CENPP: variants seen among roughly 807,000 people sequenced by gnomAD.
The protein encoded by CENPP is centromere protein P.
CENPP carries 24 observed loss-of-function variants against 35.6 expected under a neutral mutation model. That is an observed-to-expected ratio of 0.67 (90% CI 0.49 to 0.95). The LOEUF (loss-of-function observed/expected upper bound fraction) is 0.95, where lower values mean the gene tolerates loss of function less well. Among genes scored for constraint, CENPP ranks in the 40% least tolerant of loss-of-function variants. The pLI, the probability that CENPP is intolerant of heterozygous loss-of-function variation, is 0.00. For missense variants in CENPP, 332 were observed against 345.3 expected (o/e 0.96, Z 0.31); for synonymous variants, 120 against 125.5 (o/e 0.96, Z 0.29).
At chr9:92,412,109 A>G (rs1843461554) in intron 5 of CENPP, among the ~76,000 whole-genome samples, 1 of 151,996 alleles carries the variant, frequency 6.6e-6, no homozygotes, top group African/African-American at 2.4e-5. Context: ...ATTTTTAGAG[A>G]CGGGGTCTCA....
In CENPP at chr9:92,457,781, C is replaced by G. The variant is rs574947226; in HGVS notation, c.564+77922C>G. Among the ~76,000 whole-genome samples, 3 of 152,224 alleles carry G rather than the reference C, an allele frequency of 2.0e-5. No homozygotes were observed. The South Asian group carries it at 6.2e-4, about 32-fold the overall frequency. On this transcript the variant is annotated intron_variant, in intron 5 of 7. Coordinates refer to ENST00000375587, the MANE Select transcript of CENPP (RefSeq NM_001012267.3). ...CTCTCTCCAGATAGATAGATAGATA[C>G]ATACATACGTACATACATACATATA... is the stretch of plus-strand genomic sequence containing the variant.
intron 5 of CENPP, among the ~76,000 whole-genome samples, chr9:92,433,361 G>C (rs1844166465): frequency 6.6e-6 from 1 of 152,108 alleles, no homozygotes; most frequent in Non-Finnish European, 1.5e-5. Flanking sequence ...AACAAGGAAG[G>C]AGGAGTAAAT....
intron 5 of CENPP, chr9:92,414,217 A>C (rs1359092047): frequency 5.6e-6 from 1 of 179,234 alleles, no homozygotes; most frequent in African/African-American, 2.4e-5. Context: ...ATTTTAGCTT[A>C]TGTAGATATT....
intron 5 of CENPP, among the ~76,000 whole-genome samples, chr9:92,520,380 ATTAGTTG>A (rs1847991071): frequency 6.6e-6 from 1 of 152,192 alleles, no homozygotes; most frequent in African/African-American, 2.4e-5. Flanking sequence ...GCTTAACATC[ATTAGTTG>A]TTAGGGAAAT....
rs1260929532 is a variant in CENPP at position 92,570,396 on chromosome 9, G to A, written c.565-40918G>A. ...GGATTACATTTATTGATTTGCATAT[G>A]TTGAACCAGCCTTGCATCCCAGGGA... On this transcript the variant is annotated intron_variant, in intron 5 of 7. Coordinates refer to ENST00000375587, the MANE Select transcript of CENPP (RefSeq NM_001012267.3). 2.6e-5 allele frequency among the ~76,000 whole-genome samples: 4 copies of A among 152,260 alleles called. No homozygotes were observed. In the East Asian group the frequency reaches 5.8e-4, roughly 22 times the overall value.
At chr9:92,351,327 A>G (rs1841435305) in intron 4 of CENPP, among the ~76,000 whole-genome samples, 1 of 152,042 alleles carries the variant, frequency 6.6e-6, no homozygotes, top group African/African-American at 2.4e-5. Flanking sequence ...TAAAAATACA[A>G]AAACTAGCTG....
At chr9:92,416,065 T>G (rs1564309086) in intron 5 of CENPP, among the ~76,000 whole-genome samples, 1 of 97,974 alleles carries the variant, frequency 1.0e-5, no homozygotes, top group Non-Finnish European at 2.3e-5. Flanking sequence ...TGTGTATATA[T>G]ATATATTTAT....
At chr9:92,516,314 C>T (rs1847718298) in intron 5 of CENPP, among the ~76,000 whole-genome samples, 2 of 152,184 alleles carry the variant, frequency 1.3e-5, no homozygotes, top group African/African-American at 4.8e-5. Context: ...CCTCCCGCCT[C>T]AGCCTCCCAA....
intron 5 of CENPP, chr9:92,460,407 C>T (rs1845062454): frequency 1.0e-6 from 1 of 965,580 alleles, no homozygotes; most frequent in Non-Finnish European, 1.6e-6. Flanking sequence ...ACAGTGATCT[C>T]TACCAGGGTC....
intron 5 of CENPP, among the ~76,000 whole-genome samples, chr9:92,541,578 T>G (rs1223562863): frequency 6.6e-6 from 1 of 151,780 alleles, no homozygotes. Flanking sequence ...GATCATGCAG[T>G]ATCTGTCTTT....
rs1263369884 is a variant in CENPP at position 92,611,366 on chromosome 9, T to C, written c.617T>C (p.Met206Thr). 3.7e-6 allele frequency: 6 copies of C among 1,613,264 alleles called. No homozygotes were observed. In the African/African-American group the frequency reaches 4.0e-5, roughly 11 times the overall value. The change falls in exon 6 of 8, where the codon ATG (methionine) becomes ACG (threonine). Residue 206 changes from methionine to threonine, a missense_variant. Physicochemically the swap from Met to Thr is moderately conservative, Grantham distance 81 (BLOSUM62 -1). Transcript: ENST00000375587. ...YLSEGPSSCS[M>T]GIRSASRPGF... is the part of the protein sequence containing the mutation. ...TCGGAGGGGCCCTCCTCCTGCTCCATGGGGATCCGCAGCGCCAGCCGGCCA... is the reference window on the plus strand; with the variant it reads ...TCGGAGGGGCCCTCCTCCTGCTCCACGGGGATCCGCAGCGCCAGCCGGCCA...
chr9:92,415,265 C>T (rs369559603), intron 5 of CENPP: 9 of 1,613,640 alleles, frequency 5.6e-6, no homozygotes, highest in Non-Finnish European at 7.6e-6. Flanking sequence ...TCATCATCAT[C>T]TGGAAATCTC....
intron 5 of CENPP, chr9:92,600,263 G>A: frequency 7.1e-7 from 1 of 1,400,880 alleles, no homozygotes; most frequent in South Asian, 1.7e-5. Context: ...GTCATTTGCT[G>A]TCTCCTGCCC....
At chr9:92,554,706 C>T (rs1207513771) in intron 5 of CENPP, among the ~76,000 whole-genome samples, 1 of 152,014 alleles carries the variant, frequency 6.6e-6, no homozygotes, top group African/African-American at 2.4e-5. Flanking sequence ...GGCACAATCT[C>T]GGTTTACTGC....
At chr9:92,454,124 C>A (rs928239232) in intron 5 of CENPP, among the ~76,000 whole-genome samples, 2 of 152,092 alleles carry the variant, frequency 1.3e-5, no homozygotes, top group African/African-American at 4.8e-5. Flanking sequence ...TTTGTATTCA[C>A]CAGAAAATGT....
intron 5 of CENPP, among the ~76,000 whole-genome samples, chr9:92,381,712 C>A (rs1842250514): frequency 6.6e-6 from 1 of 152,090 alleles, no homozygotes; most frequent in Non-Finnish European, 1.5e-5. Flanking sequence ...TCTGTTTGCA[C>A]CTCTTTCAAT....
chr9:92,598,741 AG>A (rs201310016), intron 5 of CENPP, among the ~76,000 whole-genome samples: 60 of 138,266 alleles, frequency 4.3e-4, no homozygotes, highest in African/African-American at 1.1e-3. Flanking sequence ...AAATAACTGA[AG>A]GGGTTTTTTT....
At chr9:92,539,242 G>C (rs991282692) in intron 5 of CENPP, 1 of 152,140 alleles carries the variant, frequency 6.6e-6, no homozygotes, top group Non-Finnish European at 1.5e-5. Context: ...TCTAAGGACA[G>C]AGGCTAAACC....
chr9:92,461,387 T>A (rs1845103632), intron 5 of CENPP, among the ~76,000 whole-genome samples: 1 of 152,228 alleles, frequency 6.6e-6, no homozygotes, highest in Admixed American at 6.5e-5. Context: ...GTTGATTTGT[T>A]CAAGTTAGGA....
Sources: gnomAD v4.1 joint callset for allele counts (sites outside exome capture counted in the v4.1 genomes callset) on GRCh38, gnomAD v4.1.1 for gene constraint, MANE v1.5 for transcripts, NCBI Gene and HGNC (gene_info 2026-07-23, HGNC 2026-07-21) for gene names.